Variants in HADHB observed in about 807,000 individuals in gnomAD.
The protein encoded by HADHB is trifunctional enzyme subunit beta, mitochondrial.
Under a neutral mutation model 61.9 loss-of-function variants are expected in HADHB, and 50 were observed. That is an observed-to-expected ratio of 0.81 (90% confidence interval 0.64 to 1.02). The LOEUF (loss-of-function observed/expected upper bound fraction) is 1.02, where lower values mean the gene tolerates loss of function less well. Ranked by LOEUF, HADHB falls within the 50% of genes least tolerant of loss-of-function variation. The pLI, the probability that HADHB is intolerant of heterozygous loss-of-function variation, is 0.00. For synonymous variants in HADHB, 191 were observed against 201.6 expected (o/e 0.95, Z 0.45); for missense variants, 504 against 586.5 (o/e 0.86, Z 1.45).
chr2:26,263,497 ATAT>A lies in HADHB; in HGVS notation c.209+23_209+25del. ...GGCACTTCGTAAGTATGACATGATC[ATAT>A]TATTTTTTTCCTTCTTTTAAGACAC... is the stretch of plus-strand genomic sequence containing the variant. On this transcript the variant is annotated intron_variant, in intron 4 of 15. Coordinates refer to ENST00000317799, the MANE Select transcript of HADHB (RefSeq NM_000183.3). The A allele has an allele frequency of 6.9e-7, 1 of 1,459,278 alleles. No individual in the cohort carries two copies. The highest frequency in any genetic ancestry group is 1.1e-5 in the South Asian group (1 of 88,030). 90.4% of individuals were successfully genotyped at this position (1,459,278 alleles called of 1,614,324 possible).
chr2:26,252,093 G>A (rs1574640178), intron 1 of HADHB, among the ~76,000 whole-genome samples: 1 of 152,224 alleles, frequency 6.6e-6, no homozygotes, highest in Non-Finnish European at 1.5e-5. Context: ...CACCACAGGA[G>A]CCTCTTCATA....
At chr2:26,257,596 T>C (rs903220988) in intron 3 of HADHB, among the ~76,000 whole-genome samples, 2 of 152,088 alleles carry the variant, frequency 1.3e-5, no homozygotes, top group African/African-American at 2.4e-5. Context: ...AGGTAGGTGA[T>C]GGTTCCTCTT....
At chr2:26,261,053 A>G in intron 3 of HADHB, 1 of 1,470,476 alleles carries the variant, frequency 6.8e-7, no homozygotes. Context: ...TCCTATATGG[A>G]TGGATCATTG....
chr2:26,285,338 A>G (rs1349269898), intron 14 of HADHB, 69 bp from the exon 15 acceptor site: 2 of 1,341,422 alleles, frequency 1.5e-6, no homozygotes, highest in Non-Finnish European at 2.1e-6. Flanking sequence ...ACTTCGTAGT[A>G]CTAAGAGCCT....
At chr2:26,277,236 T>TC in intron 7 of HADHB, 76 bp downstream of exon 7, 1 of 294,404 alleles carries the variant, frequency 3.4e-6, no homozygotes. Context: ...AAATGTACTT[T>TC]TTTTTTTTTT....
chr2:26,262,005 A>G (rs909120125), intron 3 of HADHB, among the ~76,000 whole-genome samples: 3 of 152,082 alleles, frequency 2.0e-5, no homozygotes, highest in South Asian at 4.1e-4. Context: ...TGGGTTTGCC[A>G]CAGTCTCTTT....
At chr2:26,279,035 C>A in intron 8 of HADHB, 100 bp from the exon 9 acceptor site, 1 of 1,056,630 alleles carries the variant, frequency 9.5e-7, no homozygotes. Flanking sequence ...TAATGGTAGA[C>A]AAATAGATTT....
At chr2:26,268,992 C>CA (rs1334133455) in intron 4 of HADHB, among the ~76,000 whole-genome samples, 1 of 151,684 alleles carries the variant, frequency 6.6e-6, no homozygotes, top group African/African-American at 2.4e-5. Context: ...ACTAAAAATA[C>CA]AAAAAAATCA....
chr2:26,282,859 T>G lies in HADHB; in HGVS notation c.948T>G (p.Ser316=). 1 of 1,611,818 alleles carries G rather than the reference T, an allele frequency of 6.2e-7. No individual in the cohort carries two copies. The highest frequency in any genetic ancestry group is 8.5e-7 in the Non-Finnish European group (1 of 1,178,276). ...TAACATTTCAGACTGATGGTGCATC[T>G]GCAATGTTAATCATGGCGGAGGAAA... ...ANSSFLTDGA[S]AMLIMAEEKA... Residue 316 remains serine, a synonymous_variant, in exon 11 of 16, where the codon TCT becomes TCG. Coordinates refer to ENST00000317799, the MANE Select transcript of HADHB (RefSeq NM_000183.3).
intron 4 of HADHB, among the ~76,000 whole-genome samples, chr2:26,264,147 G>A (rs1245697694): frequency 6.6e-6 from 1 of 152,138 alleles, no homozygotes; most frequent in Non-Finnish European, 1.5e-5. Context: ...GTAGTTGCCA[G>A]CTTTAAAAAA....
At chr2:26,271,361 G>A (rs1437580320) in intron 5 of HADHB, among the ~76,000 whole-genome samples, 1 of 151,960 alleles carries the variant, frequency 6.6e-6, no homozygotes, top group African/African-American at 2.4e-5. Flanking sequence ...TACAAAATTA[G>A]CTGGGCGTAG....
chr2:26,281,947 T>G (rs1172292636), intron 10 of HADHB, among the ~76,000 whole-genome samples: 1 of 152,106 alleles, frequency 6.6e-6, no homozygotes, highest in Non-Finnish European at 1.5e-5. Flanking sequence ...AGGACGTTTT[T>G]TCAGTAGTAC....
chr2:26,285,890 A>T (rs111290688), intron 15 of HADHB, among the ~76,000 whole-genome samples: 4 of 151,722 alleles, frequency 2.6e-5, no homozygotes, highest in African/African-American at 9.7e-5. Flanking sequence ...GGTGTGCACC[A>T]CCATGTCCAG....
At chr2:26,258,041 C>T (rs1227377864) in intron 3 of HADHB, among the ~76,000 whole-genome samples, 1 of 152,012 alleles carries the variant, frequency 6.6e-6, no homozygotes, top group East Asian at 1.9e-4. Flanking sequence ...TTTCTTCCAA[C>T]TTGTTCCCAG....
At chr2:26,263,285 C>G (rs990909709) in intron 3 of HADHB, 95 bp from the exon 4 acceptor site, 1 of 718,864 alleles carries the variant, frequency 1.4e-6, no homozygotes, top group Non-Finnish European at 2.3e-6. Flanking sequence ...GGTGACAGAG[C>G]GAGACTCCAT....
intron 1 of HADHB, among the ~76,000 whole-genome samples, chr2:26,246,347 C>CTTTT (rs35129524): frequency 1.5e-4 from 22 of 144,178 alleles, no homozygotes; most frequent in African/African-American, 2.8e-4. Flanking sequence ...TTGTTTACAA[C>CTTTT]TTTTTTTTTT....
chr2:26,285,553 G>T lies in HADHB; in HGVS notation c.1371G>T (p.Ala457=), dbSNP rs72851542. ...GAGGCCAGTATGGCTTAGTGGCTGC[G>T]TGTGCAGCTGGAGGGCAGGTACGTT... ...KEGGQYGLVA[A]CAAGGQGHAM... Residue 457 remains alanine (A), a synonymous_variant, in exon 15 of 16, where the codon GCG becomes GCT. Coordinates refer to ENST00000317799, the MANE Select transcript of HADHB (RefSeq NM_000183.3). 4 of 1,613,708 alleles carry T rather than the reference G, an allele frequency of 2.5e-6. No individual in the cohort carries two copies. The highest frequency in any genetic ancestry group is 3.4e-6 in the Non-Finnish European group (4 of 1,179,836).
At position 26,283,023 on chromosome 2, in the gene HADHB, C is replaced by G; in HGVS notation, c.1033C>G (p.Gln345Glu). The G allele has an allele frequency of 6.2e-7, 1 of 1,609,474 alleles. No individual in the cohort carries two copies. Among genetic ancestry groups the G allele is most frequent in the Non-Finnish European group, 8.5e-7 (1 of 1,175,780 alleles). The change falls in exon 12 of 16, where the codon CAG becomes GAG. Residue 345 changes from glutamine to glutamate, a missense_variant. Gln to Glu is a conservative substitution (Grantham distance 29). Transcript: ENST00000317799. ...ACCTAGGGATTTTATGTATGTGTCT[C>G]AGGATCCAAAAGATCAACTATTACT... is the stretch of plus-strand genomic sequence containing the variant. ...AYLRDFMYVS[Q>E]DPKDQLLLGP...
intron 15 of HADHB, among the ~76,000 whole-genome samples, 168 bp downstream of exon 15, chr2:26,285,739 G>GATTTTTTTTTTTT (rs1673000559): frequency 1.5e-5 from 1 of 65,082 alleles, no homozygotes; most frequent in African/African-American, 6.6e-5. Flanking sequence ...TGTTTTTTGG[G>GATTTTTTTTTTTT]TTTTTTTTTT....
Sources: allele counts gnomAD v4.1 joint callset (sites outside exome capture counted in the v4.1 genomes callset), GRCh38; gene constraint gnomAD v4.1.1; transcripts MANE v1.5; gene names NCBI Gene and HGNC (gene_info 2026-07-23, HGNC 2026-07-21).